The following DPP6 variants were observed in gnomAD, a reference collection of about 807,000 sequenced individuals.
The protein encoded by DPP6 is A-type potassium channel modulatory protein DPP6.
Under a neutral mutation model 122.6 loss-of-function variants are expected in DPP6, and 69 were observed. The ratio of observed to expected loss-of-function variants is 0.56; its 90% CI spans 0.46 to 0.69. The LOEUF is 0.69. Ranked by LOEUF, DPP6 falls within the 30% of genes least tolerant of loss-of-function variation. DPP6 has a pLI of 0.00. For missense variants in DPP6, 928 were observed against 1,116.9 expected (o/e 0.83, Z 2.41); for synonymous variants, 418 against 433.1 (o/e 0.97, Z 0.43).
intron 1 of DPP6, among the ~76,000 whole-genome samples, chr7:154,225,603 T>C (rs1163736474): frequency 6.6e-6 from 1 of 152,204 alleles, no homozygotes; most frequent in East Asian, 1.9e-4. Context: ...TTTGGGAGTC[T>C]ACTCTGTGAC....
chr7:154,546,613 A>G (rs1410671936), intron 4 of DPP6, among the ~76,000 whole-genome samples: 1 of 152,146 alleles, frequency 6.6e-6, no homozygotes, highest in Non-Finnish European at 1.5e-5. Flanking sequence ...TAACATCTAA[A>G]TGAAATGTAT....
At chr7:153,862,243 A>G in the DPP6 span, among the ~76,000 whole-genome samples, 1 of 152,196 alleles carries the variant, frequency 6.6e-6, no homozygotes, top group Non-Finnish European at 1.5e-5. Flanking sequence ...ATACAAGAAA[A>G]GATAGCGAAA....
chr7:154,885,691 A>G lies in DPP6; in HGVS notation c.2192A>G (p.Gln731Arg). Residue 731 changes from glutamine to arginine, a missense_variant, in exon 22 of 26, where the codon CAG (glutamine) becomes CGG (arginine). Gln to Arg is a conservative substitution (Grantham distance 43, BLOSUM62 1). Transcript: ENST00000377770. ...ILPAKGENQG[Q>R]TFTCGSALSP... Reference sequence around the variant, plus strand: ...CCAGCAAAGGGAGAAAATCAAGGCCAGACATTCACCTGCGGCTCTGCTCTC... The same window carrying G: ...CCAGCAAAGGGAGAAAATCAAGGCCGGACATTCACCTGCGGCTCTGCTCTC... 1 of 1,598,796 alleles carries G rather than the reference A, an allele frequency of 6.3e-7. No homozygotes were observed. Among genetic ancestry groups the G allele is most frequent in the Non-Finnish European group, 8.5e-7 (1 of 1,172,806 alleles).
At chr7:154,472,361 G>A (rs1355590514) in intron 2 of DPP6, among the ~76,000 whole-genome samples, 2 of 152,022 alleles carry the variant, frequency 1.3e-5, no homozygotes, top group South Asian at 2.1e-4. Context: ...TGCATCCACC[G>A]ACAACTTTCT....
chr7:154,053,551 C>G (rs1260841031), intron 1 of DPP6, among the ~76,000 whole-genome samples: 4 of 151,512 alleles, frequency 2.6e-5, no homozygotes, highest in African/African-American at 9.7e-5. Context: ...TGTCCCTTGA[C>G]TCAAATGCCT....
chr7:153,879,283 G>A, the DPP6 span, among the ~76,000 whole-genome samples: 1 of 152,226 alleles, frequency 6.6e-6, no homozygotes, highest in African/African-American at 2.4e-5. Flanking sequence ...CTGCAGGAAT[G>A]TATAATTGTG....
intron 4 of DPP6, among the ~76,000 whole-genome samples, chr7:154,555,425 T>C (rs558987233): frequency 6.6e-6 from 1 of 151,596 alleles, no homozygotes; most frequent in Non-Finnish European, 1.5e-5. Flanking sequence ...ATGAGAACAC[T>C]TGGACACAGG....
intron 1 of DPP6, among the ~76,000 whole-genome samples, chr7:153,935,578 T>G (rs1801397988): frequency 6.6e-6 from 1 of 152,212 alleles, no homozygotes; most frequent in Non-Finnish European, 1.5e-5. Flanking sequence ...GCATGGTACA[T>G]AAAGAAATGG....
intron 1 of DPP6, among the ~76,000 whole-genome samples, chr7:154,195,325 C>T (rs749604677): frequency 3.9e-5 from 6 of 152,096 alleles, no homozygotes; most frequent in East Asian, 1.9e-4. Context: ...TAGGAATGGA[C>T]GGTTACAAGG....
chr7:154,259,425 AG>A (rs1427143716), intron 1 of DPP6, among the ~76,000 whole-genome samples: 2 of 152,210 alleles, frequency 1.3e-5, no homozygotes, highest in Non-Finnish European at 2.9e-5. Flanking sequence ...TGTTTTGGAA[AG>A]GGAGGGGCCG....
intron 6 of DPP6, 47 bp from the exon 7 acceptor site, chr7:154,669,313 G>A (rs779363142): frequency 6.4e-7 from 1 of 1,551,364 alleles, no homozygotes; most frequent in Non-Finnish European, 8.7e-7. Flanking sequence ...TTAAATTCTT[G>A]GTTCCCAACA....
chr7:154,263,389 G>C (rs550082582), intron 1 of DPP6, among the ~76,000 whole-genome samples: 5 of 152,272 alleles, frequency 3.3e-5, no homozygotes, highest in Non-Finnish European at 7.4e-5. Context: ...TATATGAGCA[G>C]TTTTTAATTC....
chr7:154,799,957 C>T (rs534616237), intron 12 of DPP6, among the ~76,000 whole-genome samples: 9 of 152,330 alleles, frequency 5.9e-5, no homozygotes, highest in African/African-American at 1.7e-4. Context: ...GACATCACAA[C>T]GGTGGAGGCC....
chr7:154,181,225 T>C (rs1453780225), intron 1 of DPP6, among the ~76,000 whole-genome samples: 1 of 152,232 alleles, frequency 6.6e-6, no homozygotes, highest in Non-Finnish European at 1.5e-5. Context: ...CCAGTAAAGC[T>C]TTAAGCTCCT....
At chr7:154,860,245 G>A (rs563119793) in intron 17 of DPP6, among the ~76,000 whole-genome samples, 1 of 152,226 alleles carries the variant, frequency 6.6e-6, no homozygotes, top group African/African-American at 2.4e-5. Flanking sequence ...TGTGCCCACA[G>A]CTCCCCTTCC....
chr7:153,898,073 A>G (rs556825937), intron 1 of DPP6, among the ~76,000 whole-genome samples: 2 of 152,368 alleles, frequency 1.3e-5, no homozygotes, highest in African/African-American at 2.4e-5. Flanking sequence ...AGTGGGTACA[A>G]ACAGACAGAT....
At chr7:154,431,539 T>C (rs149573907) in intron 1 of DPP6, among the ~76,000 whole-genome samples, 15,551 of 132,828 alleles carry the variant, frequency 0.12, 2,450 homozygotes, top group African/African-American at 0.27. Flanking sequence ...TCTTTCTTTT[T>C]TTTTTTTTTT....
chr7:154,545,115 A>G (rs1829062893), intron 4 of DPP6, among the ~76,000 whole-genome samples: 2 of 152,220 alleles, frequency 1.3e-5, no homozygotes. Context: ...GCTCACTTTT[A>G]TTTGAATTAC....
intron 1 of DPP6, among the ~76,000 whole-genome samples, chr7:154,396,313 G>A (rs1228746224): frequency 1.3e-5 from 2 of 152,186 alleles, no homozygotes; most frequent in African/African-American, 2.4e-5. Context: ...ACCAGGCCAG[G>A]AAATAGTGGG....
Sources: gnomAD v4.1 joint callset for allele counts (sites outside exome capture counted in the v4.1 genomes callset) on GRCh38, gnomAD v4.1.1 for gene constraint, MANE v1.5 for transcripts, NCBI Gene and HGNC (gene_info 2026-07-23, HGNC 2026-07-21) for gene names.